Variants in CYP27A1 observed in about 807,000 individuals in gnomAD.
CYP27A1 encodes sterol 26-hydroxylase, mitochondrial.
A neutral mutation model predicts 58.2 loss-of-function variants in CYP27A1; 46 were observed. That is an observed-to-expected ratio of 0.79 (90% CI 0.62 to 1.01). The LOEUF (loss-of-function observed/expected upper bound fraction) is 1.01. Among genes scored for constraint, CYP27A1 ranks in the 50% least tolerant of loss-of-function variants. The probability of loss-of-function intolerance (pLI) is 0.00; values close to 1 mark genes in which losing one functional copy is unlikely to be tolerated. For synonymous variants in CYP27A1, 274 were observed against 285.1 expected (o/e 0.96, Z 0.39); for missense variants, 704 against 687.0 (o/e 1.02, Z -0.28).
intron 1 of CYP27A1, among the ~76,000 whole-genome samples, chr2:218,806,470 C>T (rs1943652959): frequency 1.3e-5 from 2 of 152,326 alleles, no homozygotes; most frequent in East Asian, 1.9e-4. Context: ...CACCCGGCAA[C>T]GCACACCACT....
intron 1 of CYP27A1, among the ~76,000 whole-genome samples, chr2:218,804,071 T>TA (rs35689703): frequency 1.3e-5 from 2 of 151,440 alleles, no homozygotes; most frequent in African/African-American, 4.9e-5. Context: ...TTTATCTATT[T>TA]AAAAAAAATT....
chr2:218,806,546 T>C (rs1943653800), intron 1 of CYP27A1, among the ~76,000 whole-genome samples: 1 of 152,258 alleles, frequency 6.6e-6, no homozygotes, highest in African/African-American at 2.4e-5. Context: ...AATCCTGGGT[T>C]GTTATTGCAT....
At chr2:218,807,639 C>T (rs13011749) in intron 1 of CYP27A1, among the ~76,000 whole-genome samples, 8 of 152,076 alleles carry the variant, frequency 5.3e-5, no homozygotes, top group Non-Finnish European at 1.2e-4. Context: ...TATTTAGAGA[C>T]AGAGTCTCAC....
intron 1 of CYP27A1, among the ~76,000 whole-genome samples, chr2:218,808,462 A>C (rs1000961382): frequency 2.6e-5 from 4 of 152,236 alleles, no homozygotes; most frequent in African/African-American, 9.6e-5. Flanking sequence ...AGGAGAATCC[A>C]GTTTTTAACA....
At chr2:218,813,653 ACTC>A (rs1943748405) in intron 5 of CYP27A1, among the ~76,000 whole-genome samples, 2 of 151,152 alleles carry the variant, frequency 1.3e-5, no homozygotes. Flanking sequence ...CTAGTCTCGA[ACTC>A]CTGACCTCAA....
rs121908096 is a variant in CYP27A1, at chr2:218,814,186, C to A, written c.1183C>A (p.Arg395Ser). 14 of 1,614,162 alleles carry A rather than the reference C, an allele frequency of 8.7e-6. No individual in the cohort carries two copies. Among genetic ancestry groups the A allele is most frequent in the East Asian group, 2.2e-5 (1 of 44,884 alleles). Residue 395 changes from arginine to serine, a missense_variant and splice_region_variant, in exon 6 of 9, where the codon CGT (arginine) becomes AGT (serine). Coordinates refer to ENST00000258415, the MANE Select transcript of CYP27A1 (RefSeq NM_000784.4). ...CAAAGCTGTGCTTAAGGAGACTCTG[C>A]GGTAGGACAGAATGCTGTTCTGGGG... ...LLKAVLKETL[R>S]LYPVVPTNSR... is the part of the protein sequence containing the mutation.
Position 218,790,144 on chromosome 2 carries a change from A to T in CYP27A1, c.255+7707A>T, listed in dbSNP as rs376650837. On this transcript the variant is annotated intron_variant, in intron 1 of 8. Coordinates refer to ENST00000258415, the MANE Select transcript of CYP27A1 (RefSeq NM_000784.4). ...TTACTTAGGTAAGAGTATGAGCAAA[A>T]CTTAGGGCCTTAGCACTGCTCTCAG... is the stretch of plus-strand genomic sequence containing the variant. Among the ~76,000 whole-genome samples, 4 of 152,144 alleles carry T rather than the reference A, an allele frequency of 2.6e-5. No individual in the cohort carries two copies. In the East Asian group the frequency reaches 7.7e-4, roughly 29 times the overall value.
Position 218,814,147 on chromosome 2 carries a change from C to T in CYP27A1, c.1144C>T (p.His382Tyr). 6.2e-7 allele frequency: 1 copy of T among 1,614,228 alleles called. No individual in the cohort carries two copies. The highest frequency in any genetic ancestry group is 8.5e-7 in the Non-Finnish European group (1 of 1,180,052). Residue 382 changes from histidine to tyrosine, a missense_variant, in exon 6 of 9, where the codon CAC (histidine) becomes TAC (tyrosine). His to Tyr is a moderately conservative substitution (Grantham distance 83). Coordinates refer to ENST00000258415, the MANE Select transcript of CYP27A1 (RefSeq NM_000784.4). ...GQVPQHKDFA[H>Y]MPLLKAVLKE... ...AGTGCCCCAGCACAAGGACTTTGCC[C>T]ACATGCCGTTGCTCAAAGCTGTGCT...
chr2:218,814,340 A>T, intron 6 of CYP27A1, 40 bp from the exon 7 acceptor site: 1 of 1,607,840 alleles, frequency 6.2e-7, no homozygotes, highest in Middle Eastern at 1.7e-4. Context: ...TTGTACCCCC[A>T]TGAATCCAGA....
At position 218,812,572 on chromosome 2, in the gene CYP27A1, G is replaced by A. The variant is rs760323157; in HGVS notation, c.667G>A (p.Glu223Lys). 6.8e-6 allele frequency: 11 copies of A among 1,614,040 alleles called. No individual in the cohort carries two copies. The highest frequency in any genetic ancestry group is 1.3e-5 in the African/African-American group (1 of 74,900). Residue 223 changes from glutamate to lysine, a missense_variant, in exon 4 of 9, where the codon GAG becomes AAG. Glu to Lys is a moderately conservative substitution (Grantham distance 56). Coordinates refer to ENST00000258415, the MANE Select transcript of CYP27A1 (RefSeq NM_000784.4). ...ALEAICYILF[E>K]KRIGCLQRSI... ...CTCAGCTATTTGCTACATCCTGTTC[G>A]AGAAACGCATTGGCTGCCTGCAGCG... is the stretch of plus-strand genomic sequence containing the variant.
intron 1 of CYP27A1, among the ~76,000 whole-genome samples, chr2:218,791,052 T>C (rs1421742033): frequency 6.6e-6 from 1 of 152,058 alleles, no homozygotes; most frequent in Non-Finnish European, 1.5e-5. Context: ...GCCAGGCTGG[T>C]CTTGAACACC....
At chr2:218,788,329 A>G (rs1943458695) in intron 1 of CYP27A1, among the ~76,000 whole-genome samples, 1 of 152,240 alleles carries the variant, frequency 6.6e-6, no homozygotes, top group South Asian at 2.1e-4. Context: ...CTTCCCCCAG[A>G]GTGAATGTTC....
chr2:218,804,783 A>G (rs1943634279), intron 1 of CYP27A1, among the ~76,000 whole-genome samples: 1 of 152,206 alleles, frequency 6.6e-6, no homozygotes, highest in Non-Finnish European at 1.5e-5. Context: ...TAGGTATTTT[A>G]TCTTTTGGAT....
intron 2 of CYP27A1, 144 bp downstream of exon 2, chr2:218,809,911 G>C: frequency 1.4e-6 from 1 of 720,454 alleles, no homozygotes; most frequent in South Asian, 1.9e-5. Context: ...CAGTTGTTGG[G>C]AGGTGCTGAA....
chr2:218,812,926 A>T lies in CYP27A1; in HGVS notation c.847A>T (p.Lys283Ter), dbSNP rs1057519469. 1.2e-6 allele frequency: 2 copies of T among 1,614,136 alleles called. No individual in the cohort carries two copies. The highest frequency in any genetic ancestry group is 2.2e-5 in the South Asian group (2 of 91,082). Residue 283 changes from lysine to a stop codon, truncating the protein, a stop_gained and splice_region_variant, in exon 5 of 9, where the codon AAG becomes TAG. Transcript: ENST00000258415. LOFTEE classifies it high-confidence loss of function. ...CCTCTTCTCTGTTGCTTTCACAGGGAAGAAGCTGATTGATGAGAAGCTCGA... is the reference window on the plus strand; with the variant it reads ...CCTCTTCTCTGTTGCTTTCACAGGGTAGAAGCTGATTGATGAGAAGCTCGA... ...DGWNAIFSFG[K>*]KLIDEKLEDM...
intron 1 of CYP27A1, among the ~76,000 whole-genome samples, chr2:218,799,375 A>G (rs1177502339): frequency 6.6e-6 from 1 of 152,076 alleles, no homozygotes; most frequent in Non-Finnish European, 1.5e-5. Context: ...AACTTTACCT[A>G]CACCCTCCTG....
At chr2:218,792,661 G>A (rs1943504733) in intron 1 of CYP27A1, among the ~76,000 whole-genome samples, 1 of 152,084 alleles carries the variant, frequency 6.6e-6, no homozygotes, top group South Asian at 2.1e-4. Flanking sequence ...ACTTCAAATA[G>A]TCATAGTTAA....
At position 218,809,809 on chromosome 2, in the gene CYP27A1, G is replaced by T. The variant is rs202133996; in HGVS notation, c.446+42G>T. On this transcript the variant is annotated intron_variant, in intron 2 of 8. Transcript: ENST00000258415. ...AGGGACTGGAACAGGGCCCCAGAGGGCCAGGGCGAAAGACAGTGGGCACAG... is the reference window on the plus strand; with the variant it reads ...AGGGACTGGAACAGGGCCCCAGAGGTCCAGGGCGAAAGACAGTGGGCACAG... 547 of 1,587,828 alleles carry T rather than the reference G, an allele frequency of 3.4e-4. 3 individuals carry two copies. In the East Asian group the frequency reaches 0.011, roughly 33 times the overall value.
intron 1 of CYP27A1, among the ~76,000 whole-genome samples, chr2:218,803,013 C>T (rs1008496589): frequency 6.6e-6 from 1 of 151,756 alleles, no homozygotes; most frequent in Non-Finnish European, 1.5e-5. Context: ...GGTTTGATCT[C>T]GGCTCACCGC....
Sources: allele counts gnomAD v4.1 joint callset (sites outside exome capture counted in the v4.1 genomes callset), GRCh38; gene constraint gnomAD v4.1.1; transcripts MANE v1.5; gene names NCBI Gene and HGNC (gene_info 2026-07-23, HGNC 2026-07-21).